Variants in PLEKHG4 observed in about 807,000 individuals in gnomAD.
PLEKHG4 encodes the protein pleckstrin homology and RhoGEF domain containing G4, also known as puratrophin-1.
A neutral mutation model predicts 136.9 loss-of-function variants in PLEKHG4; 85 were observed. That is an observed-to-expected ratio of 0.62 (90% CI 0.52 to 0.74). The LOEUF (loss-of-function observed/expected upper bound fraction) is 0.74, where lower values mean the gene tolerates loss of function less well. PLEKHG4 is among the 30% of genes least tolerant of loss of function. PLEKHG4 has a pLI of 0.00. For synonymous variants in PLEKHG4, 577 were observed against 646.9 expected (o/e 0.89, Z 1.64); for missense variants, 1,317 against 1,527.8 (o/e 0.86, Z 2.30).
chr16:67,280,398 TGA>T lies in PLEKHG4; in HGVS notation c.358_359del (p.Ser120Ter), dbSNP rs751865139. On this transcript the variant is annotated frameshift_variant, in exon 2 of 22. Transcript: ENST00000379344. LOFTEE classifies it high-confidence loss of function. The surrounding 1 kb of genome is among the most constrained non-coding windows in gnomAD (Gnocchi z 4.4). ...MSSHLSLAQG[E>X]SDTPGVGLVG... ...CCTCCCACCTCAGCTTGGCACAGGG[TGA>T]GAGTGACACCCCAGGGGTAGGGTTG... 38 of 1,608,668 alleles carry T rather than the reference TGA, an allele frequency of 2.4e-5. No homozygotes were observed. The highest frequency in any genetic ancestry group is 2.9e-5 in the Non-Finnish European group (34 of 1,176,810).
chr16:67,288,756 G>A (rs2036608439), intron 21 of PLEKHG4, 47 bp from the exon 22 acceptor site: 3 of 1,612,516 alleles, frequency 1.9e-6, no homozygotes, highest in Non-Finnish European at 8.5e-7. Context: ...CACCTCCTGG[G>A]TCCAGAGTCA....
At position 67,286,436 on chromosome 16, in the gene PLEKHG4, C is replaced by T. The variant is rs200536991; in HGVS notation, c.2533-9C>T. On this transcript the variant is annotated splice_polypyrimidine_tract_variant and intron_variant, in intron 15 of 21. Coordinates refer to ENST00000379344, the MANE Select transcript of PLEKHG4 (RefSeq NM_001129729.3). ...CCAAACCACTCAGTGGCCTCCCATC[C>T]GCCCACAGGACAAGCAGCAAGCACT... The T allele has an allele frequency of 3.5e-4, 570 of 1,612,106 alleles. 1 individual carries two copies. The highest frequency in any genetic ancestry group is 4.0e-4 in the Non-Finnish European group (472 of 1,178,532).
Position 67,281,635 on chromosome 16 carries a change from C to T in PLEKHG4, c.882C>T (p.Ser294=), listed in dbSNP as rs372820870. The T allele has an allele frequency of 1.9e-5, 31 of 1,613,990 alleles. No homozygotes were observed. The highest frequency in any genetic ancestry group is 1.6e-4 in the Middle Eastern group (1 of 6,062). ...VGSTLLKEVP[S]GLQLEQLPSQ... ...GCACGCTGCTGAAGGAAGTGCCTTC[C>T]GGGCTGCAGGTACTAAGCCCAGTTG... is the stretch of plus-strand genomic sequence containing the variant. The change falls in exon 6 of 22, where the codon TCC becomes TCT. Residue 294 remains serine, a synonymous_variant. Transcript: ENST00000379344.
chr16:67,282,216 C>G lies in PLEKHG4; in HGVS notation c.1120C>G (p.Leu374Val), dbSNP rs1224318132. The change falls in exon 9 of 22, where the codon CTA (leucine) becomes GTA (valine). Residue 374 changes from leucine (L) to valine (V), a missense_variant. Coordinates refer to ENST00000379344, the MANE Select transcript of PLEKHG4 (RefSeq NM_001129729.3). The part of the protein sequence containing the change: ...PMEPGEVGQL[L>V]QQTEVLMQQV... ...TCAATCACAGGAGGTCGGTCAGCTG[C>G]TACAGCAGACAGAGGTCCTGATGCA... 6.2e-7 allele frequency: 1 copy of G among 1,613,516 alleles called. No homozygotes were observed. The highest frequency in any genetic ancestry group is 8.5e-7 in the Non-Finnish European group (1 of 1,180,038).
Position 67,282,739 on chromosome 16 carries a change from C to T in PLEKHG4, c.1393-3C>T, listed in dbSNP as rs1303932559. ...TCACTTTTCCCTGCTTGTGCTCCTCCAGATTGAAGTGTGGCTGCAGCAGGT... is the reference window on the plus strand; with the variant it reads ...TCACTTTTCCCTGCTTGTGCTCCTCTAGATTGAAGTGTGGCTGCAGCAGGT... On this transcript the variant is annotated splice_polypyrimidine_tract_variant and splice_region_variant and intron_variant, in intron 10 of 21. Transcript: ENST00000379344. The T allele has an allele frequency of 6.2e-7, 1 of 1,613,642 alleles. No individual in the cohort carries two copies. Among genetic ancestry groups the T allele is most frequent in the South Asian group, 1.1e-5 (1 of 91,086 alleles).
At chr16:67,283,827 A>AG in intron 11 of PLEKHG4, among the ~76,000 whole-genome samples, 1 of 152,106 alleles carries the variant, frequency 6.6e-6, no homozygotes, top group Non-Finnish European at 1.5e-5. Flanking sequence ...TGGTCACACA[A>AG]GAGTGCCTGG....
In PLEKHG4 at chr16:67,279,906, T is replaced by C. The variant is rs1329574318; in HGVS notation, c.-139T>C. The C allele has an allele frequency of 7.4e-6, 6 of 806,592 alleles. No homozygotes were observed. In the East Asian group the frequency reaches 1.6e-4, roughly 22 times the overall value. The allele number at this position is 806,592 out of a possible 1,614,324, so 50.0% of individuals were successfully genotyped here. On this transcript the variant is annotated 5_prime_UTR_variant, in exon 2 of 22. Transcript: ENST00000379344. Reference sequence around the variant, plus strand: ...AATTGCAGTTCCTGTGCCCTGGCACTAAGACTGGCACCTCCTGCGGCCCAT... The same window carrying C: ...AATTGCAGTTCCTGTGCCCTGGCACCAAGACTGGCACCTCCTGCGGCCCAT...
Position 67,280,363 on chromosome 16 carries a change from T to C in PLEKHG4, c.319T>C (p.Cys107Arg), listed in dbSNP as rs1182103394. 8 of 1,613,364 alleles carry C rather than the reference T, an allele frequency of 5.0e-6. No individual in the cohort carries two copies. The highest frequency in any genetic ancestry group is 6.8e-6 in the Non-Finnish European group (8 of 1,179,754). The change falls in exon 2 of 22, where the codon TGC (cysteine) becomes CGC (arginine). Residue 107 changes from cysteine to arginine, a missense_variant. Transcript: ENST00000379344. This position sits in a 1 kb window ranked among gnomAD's most constrained non-coding sequence, Gnocchi z 4.4. Reference sequence around the variant, plus strand: ...CCCCTCTGGAGTGGAGAGTCTCCTATGCCCCATGTCCTCCCACCTCAGCTT... The same window carrying C: ...CCCCTCTGGAGTGGAGAGTCTCCTACGCCCCATGTCCTCCCACCTCAGCTT... ...PGPSGVESLL[C>R]PMSSHLSLAQ...
Position 67,289,102 on chromosome 16 carries a change from GTTTCC to G in PLEKHG4, c.*295_*299del. The G allele has an allele frequency of 3.6e-6, 2 of 549,946 alleles. No individual in the cohort carries two copies. The highest frequency in any genetic ancestry group is 6.6e-6 in the Non-Finnish European group (2 of 303,532). The allele number at this position is 549,946 out of a possible 1,614,324, so 34.1% of individuals were successfully genotyped here. On this transcript the variant is annotated 3_prime_UTR_variant, in exon 22 of 22. Coordinates refer to ENST00000379344, the MANE Select transcript of PLEKHG4 (RefSeq NM_001129729.3). The stretch of plus-strand genomic sequence containing the variant: ...GAATAGGCTAGAGCAGACATTGGGT[GTTTCC>G]ATGCTGTAGGCTGGTGGGGGACCAT...
chr16:67,279,693 G>A (rs913573230), intron 1 of PLEKHG4, 67 bp downstream of exon 1: 4 of 224,422 alleles, frequency 1.8e-5, no homozygotes, highest in Non-Finnish European at 3.6e-5. Context: ...GGGCCTGGGG[G>A]GGCCGGCAGG....
rs1045588689 is a variant in PLEKHG4 at position 67,284,508 on chromosome 16, G to A, written c.1692+51G>A. 3.8e-6 allele frequency: 6 copies of A among 1,581,082 alleles called. No homozygotes were observed. The highest frequency in any genetic ancestry group is 5.2e-6 in the Non-Finnish European group (6 of 1,151,794). On this transcript the variant is annotated intron_variant, in intron 12 of 21. Coordinates refer to ENST00000379344, the MANE Select transcript of PLEKHG4 (RefSeq NM_001129729.3). This position sits in a 1 kb window ranked among gnomAD's most constrained non-coding sequence, Gnocchi z 4.4. ...AGTGATCCATGAGGCCGGAGGGATG[G>A]CAGCCCCAGCTTCAGCAGAGCCTGA...
At chr16:67,286,409 C>A in intron 15 of PLEKHG4, 36 bp from the exon 16 acceptor site, 1 of 1,607,602 alleles carries the variant, frequency 6.2e-7, no homozygotes, top group Non-Finnish European at 8.5e-7. Context: ...CGGGGAGTGC[C>A]CCCAAACCAC....
rs772263753 is a variant in PLEKHG4 at position 67,280,008 on chromosome 16, C to T, written c.-37C>T. The T allele has an allele frequency of 6.2e-7, 1 of 1,604,250 alleles. No individual in the cohort carries two copies. Among genetic ancestry groups the T allele is most frequent in the African/African-American group, 1.3e-5 (1 of 74,708 alleles). ...TTCACACTGAGACCCAGCCCTCTCC[C>T]GCTGGCCCCGAGCAGGCCCACCTTT... is the stretch of plus-strand genomic sequence containing the variant. On this transcript the variant is annotated 5_prime_UTR_variant, in exon 2 of 22. Coordinates refer to ENST00000379344, the MANE Select transcript of PLEKHG4 (RefSeq NM_001129729.3). The surrounding 1 kb of genome is among the most constrained non-coding windows in gnomAD (Gnocchi z 4.4).
intron 18 of PLEKHG4, 98 bp from the exon 19 acceptor site, chr16:67,287,800 G>C: frequency 1.2e-6 from 1 of 813,826 alleles, no homozygotes; most frequent in Non-Finnish European, 2.2e-6. Flanking sequence ...TAATGTGCTG[G>C]ATGGAGGTGT....
At chr16:67,282,679 C>G in intron 10 of PLEKHG4, 38 bp downstream of exon 10, 1 of 1,613,664 alleles carries the variant, frequency 6.2e-7, no homozygotes, top group East Asian at 2.2e-5. Context: ...CTGCCCCGAT[C>G]TCAGACGTGA....
chr16:67,280,039 G>A lies in PLEKHG4; in HGVS notation c.-6G>A. 2 of 1,612,362 alleles carry A rather than the reference G, an allele frequency of 1.2e-6. No homozygotes were observed. Among genetic ancestry groups the A allele is most frequent in the Non-Finnish European group, 1.7e-6 (2 of 1,179,298 alleles). On this transcript the variant is annotated 5_prime_UTR_variant, in exon 2 of 22. Transcript: ENST00000379344. This position sits in a 1 kb window ranked among gnomAD's most constrained non-coding sequence, Gnocchi z 4.4. Reference sequence around the variant, plus strand: ...CCCCGAGCAGGCCCACCTTTAGGAGGGCGTGATGGAAAGGCCCCTGGAGAA... The same window carrying A: ...CCCCGAGCAGGCCCACCTTTAGGAGAGCGTGATGGAAAGGCCCCTGGAGAA...
rs778817800 is a variant in PLEKHG4 at position 67,284,328 on chromosome 16, G to A, written c.1563G>A (p.Ala521=). Residue 521 remains alanine (A), a synonymous_variant, in exon 12 of 22, where the codon GCG becomes GCA. Coordinates refer to ENST00000379344, the MANE Select transcript of PLEKHG4 (RefSeq NM_001129729.3). This position sits in a 1 kb window ranked among gnomAD's most constrained non-coding sequence, Gnocchi z 4.4. ...KFLQPLTGWE[A]AELDPPGARF... ...TGCAGCCGCTGACTGGCTGGGAGGCGGCTGAACTGGACCCCCCTGGGGCAC... is the reference window on the plus strand; with the variant it reads ...TGCAGCCGCTGACTGGCTGGGAGGCAGCTGAACTGGACCCCCCTGGGGCAC... The A allele has an allele frequency of 3.2e-5, 52 of 1,613,718 alleles. No homozygotes were observed. The highest frequency in any genetic ancestry group is 8.0e-5 in the African/African-American group (6 of 74,916).
Position 67,284,123 on chromosome 16 carries a change from G to A in PLEKHG4, c.1510-152G>A. ...GGAACTTTGGCTGTGGAGAAGGGGA[G>A]TGGATGTGGGTGGGGAGTAGGAGAT... On this transcript the variant is annotated intron_variant, in intron 11 of 21. Transcript: ENST00000379344. This position sits in a 1 kb window ranked among gnomAD's most constrained non-coding sequence, Gnocchi z 4.4. 1.5e-6 allele frequency: 1 copy of A among 659,842 alleles called. No homozygotes were observed. Among genetic ancestry groups the A allele is most frequent in the South Asian group, 1.9e-5 (1 of 52,456 alleles). 40.9% of individuals were successfully genotyped at this position (659,842 alleles called of 1,614,324 possible). A position where few individuals can be genotyped will look rare whatever the true frequency, so the allele number is the denominator to read the frequency against.
chr16:67,281,223 T>TC (rs754431510), intron 5 of PLEKHG4, 39 bp downstream of exon 5: 192 of 1,275,236 alleles, frequency 1.5e-4, no homozygotes, highest in African/African-American at 5.4e-4. Context: ...TCCTTTTCTT[T>TC]TCTTTTTTTT....
Sources: allele counts gnomAD v4.1 joint callset (sites outside exome capture counted in the v4.1 genomes callset), GRCh38; gene constraint gnomAD v4.1.1; non-coding constraint Gnocchi (gnomAD v3.1); transcripts MANE v1.5; gene names NCBI Gene and HGNC (gene_info 2026-07-23, HGNC 2026-07-21).